The following TET1 variants were observed in gnomAD, a reference collection of about 807,000 sequenced individuals.
TET1 encodes methylcytosine dioxygenase TET1.
In TET1, 13 loss-of-function variants were observed where a neutral mutation model predicts 148.7. That is an observed-to-expected ratio of 0.09 (90% CI 0.06 to 0.14). The LOEUF (loss-of-function observed/expected upper bound fraction) is 0.14, where lower values mean the gene tolerates loss of function less well. Among genes scored for constraint, TET1 ranks in the 10% least tolerant of loss-of-function variants. TET1 has a pLI of 1.00. For synonymous variants in TET1, 907 were observed against 937.2 expected, an observed-to-expected ratio of 0.97 and a Z score of 0.59; for missense variants, 2,182 against 2,553.8, an observed-to-expected ratio of 0.85 and a Z score of 3.14.
chr10:68,656,864 A>G (rs996386062), intron 6 of TET1, among the ~76,000 whole-genome samples: 2 of 151,880 alleles, frequency 1.3e-5, no homozygotes, highest in Non-Finnish European at 2.9e-5. Context: ...CGTCTCTAGT[A>G]AAATACAAAA....
chr10:68,561,717 C>A (rs1175029542), intron 1 of TET1, among the ~76,000 whole-genome samples: 1 of 138,542 alleles, frequency 7.2e-6, no homozygotes, highest in Admixed American at 7.2e-5. Flanking sequence ...TCCCCCGCTC[C>A]GGTCCCCGCC....
intron 3 of TET1, chr10:68,632,401 G>C: frequency 6.2e-7 from 1 of 1,610,464 alleles, no homozygotes; most frequent in Non-Finnish European, 8.5e-7. Flanking sequence ...CGGTGAGCCC[G>C]AGGAGAGGAA....
At chr10:68,574,410 A>G (rs2053705385) in intron 2 of TET1, among the ~76,000 whole-genome samples, 158 bp downstream of exon 2, 1 of 152,192 alleles carries the variant, frequency 6.6e-6, no homozygotes, top group South Asian at 2.1e-4. Context: ...AGTTATCCAT[A>G]AAAGAATTCC....
Position 68,641,750 on chromosome 10 carries a change from G to A in TET1, c.1969-2948G>A, listed in dbSNP as rs1024748539. Among the ~76,000 whole-genome samples, 16 of 152,056 alleles carry A rather than the reference G, an allele frequency of 1.1e-4. No homozygotes were observed. In the East Asian group the frequency reaches 1.4e-3, roughly 13 times the overall value. On this transcript the variant is annotated intron_variant, in intron 3 of 11. Transcript: ENST00000373644. ...TCTCCTGACCTCGTGATCCGCTCAC[G>A]TTTGCCTCCCAAAGTGCTGGGATTA...
chr10:68,653,246 AC>A (rs1472313153), intron 6 of TET1, among the ~76,000 whole-genome samples: 1 of 152,144 alleles, frequency 6.6e-6, no homozygotes, highest in Non-Finnish European at 1.5e-5. Flanking sequence ...CCAGATGGCT[AC>A]TCAGTTATCC....
At chr10:68,631,389 AG>A (rs1564979553) in intron 3 of TET1, among the ~76,000 whole-genome samples, 1 of 148,534 alleles carries the variant, frequency 6.7e-6, no homozygotes, top group African/African-American at 2.5e-5. Context: ...GCAATGTGGT[AG>A]GGTATTAGCT....
rs1374252416 is a variant in TET1 at position 68,694,376 on chromosome 10, A to T, written c.*2562A>T. The stretch of plus-strand genomic sequence containing the variant: ...GCCCTGTGATTTTTTTTAAAAGCTT[A>T]TTCAATGTTCTGCAGCATTGTGATT... On this transcript the variant is annotated 3_prime_UTR_variant, in exon 12 of 12. Transcript: ENST00000373644. The T allele has an allele frequency of 4.3e-6, 1 of 232,418 alleles. No individual in the cohort carries two copies. Among genetic ancestry groups the T allele is most frequent in the African/African-American group, 2.2e-5 (1 of 45,302 alleles). The allele number at this position is 232,418 out of a possible 1,614,324, so 14.4% of individuals were successfully genotyped here.
intron 3 of TET1, among the ~76,000 whole-genome samples, chr10:68,613,812 C>T (rs1178979695): frequency 6.6e-6 from 1 of 152,104 alleles, no homozygotes; most frequent in Non-Finnish European, 1.5e-5. Flanking sequence ...GTGGTACGCA[C>T]CTGTAATCCC....
At chr10:68,596,058 T>TGA (rs2053985945) in intron 2 of TET1, among the ~76,000 whole-genome samples, 1 of 136,624 alleles carries the variant, frequency 7.3e-6, no homozygotes, top group African/African-American at 2.9e-5. Flanking sequence ...ATTTTTTTTT[T>TGA]GAGACAGTCT....
At chr10:68,681,895 G>C (rs552487697) in intron 9 of TET1, among the ~76,000 whole-genome samples, 2 of 150,190 alleles carry the variant, frequency 1.3e-5, no homozygotes, top group African/African-American at 2.4e-5. Context: ...TTGAACCCAG[G>C]AGGTGGAGGT....
chr10:68,564,870 G>A (rs2053589734), intron 1 of TET1, among the ~76,000 whole-genome samples: 1 of 152,022 alleles, frequency 6.6e-6, no homozygotes, highest in South Asian at 2.1e-4. Context: ...AAAATAAAAA[G>A]AACTTAGCCA....
intron 5 of TET1, 138 bp downstream of exon 5, chr10:68,652,074 AAG>A: frequency 1.3e-6 from 1 of 775,156 alleles, no homozygotes; most frequent in Non-Finnish European, 2.0e-6. Context: ...GGCCCAACAA[AAG>A]AGGGGTGTCC....
chr10:68,653,181 A>G (rs896281753), intron 6 of TET1, among the ~76,000 whole-genome samples: 4 of 152,026 alleles, frequency 2.6e-5, no homozygotes, highest in African/African-American at 9.6e-5. Context: ...TTTTTCTATA[A>G]TGAAGTATTT....
Position 68,669,474 on chromosome 10 carries a change from C to CTTTTTTT in TET1, c.4673+2230_4673+2236dup, listed in dbSNP as rs3085667. ...TACAGGCGCCTGCCACCATGCCCAG[C>CTTTTTTT]TTTTTTTTTTTTTTTTTTGTATTTT... On this transcript the variant is annotated intron_variant, in intron 7 of 11. Coordinates refer to ENST00000373644, the MANE Select transcript of TET1 (RefSeq NM_030625.3). 1.2e-3 allele frequency among the ~76,000 whole-genome samples: 74 copies of CTTTTTTT among 61,570 alleles called. 3 individuals are homozygous for CTTTTTTT. The highest frequency in any genetic ancestry group is 2.1e-3 in the African/African-American group (33 of 15,858). 40.4% of individuals were successfully genotyped at this position (61,570 alleles called of 152,430 possible).
rs554867170 is a variant in TET1, at chr10:68,634,438, C to A, written c.1969-10260C>A. Among the ~76,000 whole-genome samples, 181 of 152,302 alleles carry A rather than the reference C, an allele frequency of 1.2e-3. 1 individual carries two copies. Among genetic ancestry groups the A allele is most frequent in the Middle Eastern group, 0.01 (3 of 294 alleles). ...ACTACCAAAAGAAGTAACTTAAATT[C>A]ATTGTAACTTTAATTCAGTGCATCT... On this transcript the variant is annotated intron_variant, in intron 3 of 11. Transcript: ENST00000373644.
intron 2 of TET1, among the ~76,000 whole-genome samples, chr10:68,592,616 A>G (rs1332949354): frequency 6.6e-6 from 1 of 152,018 alleles, no homozygotes; most frequent in Non-Finnish European, 1.5e-5. Flanking sequence ...ATGGCCCCTT[A>G]ACAACCACAC....
At chr10:68,644,127 A>G (rs908550348) in intron 3 of TET1, among the ~76,000 whole-genome samples, 5 of 151,398 alleles carry the variant, frequency 3.3e-5, no homozygotes, top group Non-Finnish European at 5.9e-5. Flanking sequence ...CTGGTCTTGA[A>G]CTCCTGACCT....
chr10:68,685,953 A>C (rs2055502895), intron 10 of TET1, among the ~76,000 whole-genome samples: 1 of 152,202 alleles, frequency 6.6e-6, no homozygotes, highest in South Asian at 2.1e-4. Flanking sequence ...AAATATCAGA[A>C]ATATGGTGCT....
chr10:68,691,175 T>A lies in TET1; in HGVS notation c.5772T>A (p.Ser1924=), dbSNP rs371112347. The change falls in exon 12 of 12, where the codon TCT becomes TCA. Residue 1924 remains serine (S), a synonymous_variant. Coordinates refer to ENST00000373644, the MANE Select transcript of TET1 (RefSeq NM_030625.3). The surrounding 1 kb of genome is among the most constrained non-coding windows in gnomAD (Gnocchi z 4.4). The part of the protein sequence containing the change: ...SAPVMEPLIN[S]EPSTGVTEPL... ...CTGTGATGGAGCCCCTCATTAATTC[T>A]GAGCCTTCCACTGGTGTGACTGAGC... 14 of 1,614,100 alleles carry A rather than the reference T, an allele frequency of 8.7e-6. No individual in the cohort carries two copies. In the African/African-American group the frequency reaches 1.6e-4, roughly 18 times the overall value.
Sources: gnomAD v4.1 joint callset for allele counts (sites outside exome capture counted in the v4.1 genomes callset) on GRCh38, gnomAD v4.1.1 for gene constraint, Gnocchi (gnomAD v3.1) non-coding constraint, MANE v1.5 for transcripts, NCBI Gene and HGNC (gene_info 2026-07-23, HGNC 2026-07-21) for gene names.